The following MARCO variants were observed in gnomAD, a reference collection of about 807,000 sequenced individuals.
MARCO encodes macrophage receptor MARCO.
Under a neutral mutation model 70.0 loss-of-function variants are expected in MARCO, and 72 were observed. The observed-to-expected ratio is 1.03, with a 90% confidence interval of 0.85 to 1.25. The LOEUF is 1.25. Ranked by LOEUF, MARCO falls within the 50% of genes most tolerant of loss-of-function variation. The probability of loss-of-function intolerance (pLI) is 0.00; values close to 1 mark genes in which losing one functional copy is unlikely to be tolerated. For synonymous variants in MARCO, 273 were observed against 243.1 expected (o/e 1.12, Z -1.14); for missense variants, 696 against 659.3 (o/e 1.06, Z -0.61).
At chr2:118,975,151 G>C (rs1680256226) in intron 6 of MARCO, among the ~76,000 whole-genome samples, 1 of 152,068 alleles carries the variant, frequency 6.6e-6, no homozygotes, top group African/African-American at 2.4e-5. Context: ...ATATAAATGG[G>C]TTCACGGGGC....
At position 118,994,479 on chromosome 2, in the gene MARCO, T is replaced by A; in HGVS notation, c.1522T>A (p.Cys508Ser). ...CAAGAATAGCTGGGGCCATCATGAC[T>A]GCAGCCACGAGGAGGACGCAGGCGT... The part of the protein sequence containing the change: ...CTKNSWGHHD[C>S]SHEEDAGVEC... Residue 508 changes from cysteine (C) to serine (S), a missense_variant, in exon 17 of 17, where the codon TGC becomes AGC. Physicochemically the swap from Cys to Ser is moderately radical, Grantham distance 112. This residue lies in a region of MARCO where 58 missense variants were observed against 62.1 expected (regional missense o/e 0.93). Coordinates refer to ENST00000327097, the MANE Select transcript of MARCO (RefSeq NM_006770.4). 1 of 1,612,584 alleles carries A rather than the reference T, an allele frequency of 6.2e-7. No homozygotes were observed. Among genetic ancestry groups the A allele is most frequent in the Non-Finnish European group, 8.5e-7 (1 of 1,179,168 alleles).
chr2:118,977,835 A>AG lies in MARCO; in HGVS notation c.668dup (p.Pro224ThrfsTer23). The AG allele has an allele frequency of 1.2e-6, 2 of 1,611,536 alleles. No individual in the cohort carries two copies. Among genetic ancestry groups the AG allele is most frequent in the Non-Finnish European group, 1.7e-6 (2 of 1,178,926 alleles). On this transcript the variant is annotated frameshift_variant, in exon 8 of 17. Transcript: ENST00000327097. LOFTEE classifies it high-confidence loss of function. Reference sequence around the variant, plus strand: ...CAGCCATTCTCTTTGCAGGCACCCCAGGACCCCAAGGAGAGAAGGGCAGCA... The same window carrying AG: ...CAGCCATTCTCTTTGCAGGCACCCCAGGGACCCCAAGGAGAGAAGGGCAGCA...
intron 6 of MARCO, among the ~76,000 whole-genome samples, chr2:118,976,178 C>A (rs1417604795): frequency 5.3e-5 from 8 of 152,342 alleles, no homozygotes; most frequent in Non-Finnish European, 8.8e-5. Context: ...CATCACACAG[C>A]CTTGACAGAG....
At chr2:118,971,351 G>A in intron 3 of MARCO, 148 bp from the exon 4 acceptor site, 2 of 766,408 alleles carry the variant, frequency 2.6e-6, no homozygotes, top group South Asian at 3.1e-5. Flanking sequence ...CCAGGTGCTT[G>A]GCTCCTGTTG....
chr2:118,959,712 A>G (rs572166975), intron 1 of MARCO, among the ~76,000 whole-genome samples: 11 of 152,322 alleles, frequency 7.2e-5, no homozygotes, highest in African/African-American at 2.4e-4. Flanking sequence ...ACAATTCACA[A>G]TTGCAAAATC....
At chr2:118,992,072 C>A (rs112804796) in intron 14 of MARCO, among the ~76,000 whole-genome samples, 197 bp downstream of exon 14, 2 of 152,162 alleles carry the variant, frequency 1.3e-5, no homozygotes, top group Non-Finnish European at 2.9e-5. Flanking sequence ...GCGGGTTAGG[C>A]GCAGCTCTAG....
chr2:118,964,098 C>T (rs574741816), intron 1 of MARCO, among the ~76,000 whole-genome samples: 21 of 152,130 alleles, frequency 1.4e-4, no homozygotes, highest in Non-Finnish European at 2.2e-4. Context: ...ACATACAGAA[C>T]ATATCAACAT....
At chr2:118,963,809 G>C (rs934852749) in intron 1 of MARCO, among the ~76,000 whole-genome samples, 1 of 152,102 alleles carries the variant, frequency 6.6e-6, no homozygotes, top group South Asian at 2.1e-4. Flanking sequence ...TTTTAATACA[G>C]TTTGGCAATA....
At chr2:118,945,369 G>T (rs1211881995) in intron 1 of MARCO, among the ~76,000 whole-genome samples, 1 of 151,172 alleles carries the variant, frequency 6.6e-6, no homozygotes, top group Non-Finnish European at 1.5e-5. Flanking sequence ...GCACTTGTTA[G>T]GCTGTGCAAT....
At chr2:118,988,344 T>A (rs1213706909) in intron 12 of MARCO, among the ~76,000 whole-genome samples, 1 of 151,906 alleles carries the variant, frequency 6.6e-6, no homozygotes, top group East Asian at 2.0e-4. Flanking sequence ...GAGGGGTGCA[T>A]CTCTTTAGGT....
At position 118,965,063 on chromosome 2, in the gene MARCO, T is replaced by G. The variant is rs113621110; in HGVS notation, c.98-4097T>G. 2.0e-3 allele frequency among the ~76,000 whole-genome samples: 308 copies of G among 152,304 alleles called. 1 individual carries two copies. Among genetic ancestry groups the G allele is most frequent in the African/African-American group, 7.1e-3 (293 of 41,548 alleles). On this transcript the variant is annotated intron_variant, in intron 1 of 16. Coordinates refer to ENST00000327097, the MANE Select transcript of MARCO (RefSeq NM_006770.4). The stretch of plus-strand genomic sequence containing the variant: ...TTTGAGTTTATCATGTTTGCGATTT[T>G]GGCAGTTTCTTTAATCTGTAGGTTT...
At chr2:118,959,429 T>C (rs1679900143) in intron 1 of MARCO, among the ~76,000 whole-genome samples, 1 of 152,062 alleles carries the variant, frequency 6.6e-6, no homozygotes, top group Non-Finnish European at 1.5e-5. Flanking sequence ...AAAACCACAG[T>C]GTGATACTAC....
chr2:118,974,637 C>CT, intron 6 of MARCO, 72 bp downstream of exon 6: 6 of 1,413,814 alleles, frequency 4.2e-6, no homozygotes, highest in Non-Finnish European at 5.9e-6. Flanking sequence ...GGGCTGCAGA[C>CT]GCAGCCTCCC....
intron 1 of MARCO, among the ~76,000 whole-genome samples, chr2:118,959,234 A>G (rs1024910417): frequency 5.3e-5 from 8 of 152,222 alleles, no homozygotes; most frequent in Non-Finnish European, 1.0e-4. Context: ...TCACAAATCT[A>G]TACATCGGAC....
intron 6 of MARCO, 60 bp from the exon 7 acceptor site, chr2:118,977,411 T>C: frequency 1.5e-6 from 2 of 1,350,710 alleles, no homozygotes; most frequent in Non-Finnish European, 2.1e-6. Context: ...GTCAGCTGAT[T>C]AAAGACATTT....
Position 118,969,144 on chromosome 2 carries a change from C to T in MARCO, c.98-16C>T. The T allele has an allele frequency of 6.3e-7, 1 of 1,588,498 alleles. No homozygotes were observed. The highest frequency in any genetic ancestry group is 8.6e-7 in the Non-Finnish European group (1 of 1,156,568). On this transcript the variant is annotated splice_polypyrimidine_tract_variant and intron_variant, in intron 1 of 16. Transcript: ENST00000327097. The stretch of plus-strand genomic sequence containing the variant: ...GTTCTCTGCAGCAGCCTCCTTCCTC[C>T]TGGCTTGTGTTTCAGTTCCAAAGCC...
intron 6 of MARCO, among the ~76,000 whole-genome samples, chr2:118,977,115 C>T (rs1680296839): frequency 6.6e-6 from 1 of 152,168 alleles, no homozygotes; most frequent in Non-Finnish European, 1.5e-5. Context: ...GGATTAATCT[C>T]TTCATAAGAG....
chr2:118,977,582 C>T (rs377680271), intron 7 of MARCO, 67 bp downstream of exon 7: 16 of 1,409,588 alleles, frequency 1.1e-5, no homozygotes, highest in South Asian at 5.8e-5. Flanking sequence ...AGTTCCCCCC[C>T]ACCCCCCATC....
chr2:118,981,775 G>T, intron 10 of MARCO, 119 bp downstream of exon 10: 2 of 1,068,472 alleles, frequency 1.9e-6, no homozygotes. Context: ...AACACCTGGG[G>T]TTTTTTAGAC....
Sources: allele counts gnomAD v4.1 joint callset (sites outside exome capture counted in the v4.1 genomes callset), GRCh38; gene constraint gnomAD v4.1.1; regional missense constraint gnomAD v4.1.1; transcripts MANE v1.5; gene names NCBI Gene and HGNC (gene_info 2026-07-23, HGNC 2026-07-21).